PPFIBP1: variants seen among roughly 807,000 people sequenced by gnomAD.
PPFIBP1 encodes the protein PPFIB scaffold protein 1.
A neutral mutation model predicts 137.8 loss-of-function variants in PPFIBP1; 112 were observed. The observed-to-expected ratio is 0.81, with a 90% CI of 0.70 to 0.95. The LOEUF is 0.95. PPFIBP1 is among the 40% of genes least tolerant of loss of function. The probability of loss-of-function intolerance (pLI) is 0.00; values close to 1 mark genes in which losing one functional copy is unlikely to be tolerated. For synonymous variants in PPFIBP1, 378 were observed against 417.3 expected, an observed-to-expected ratio of 0.91 and a Z score of 1.15; for missense variants, 1,083 against 1,196.6, an observed-to-expected ratio of 0.91 and a Z score of 1.40.
At chr12:27,578,122 CTT>C (rs1449445447) in intron 1 of PPFIBP1, 28 bp from the exon 2 acceptor site, 1 of 152,126 alleles carries the variant, frequency 6.6e-6, no homozygotes, top group Non-Finnish European at 1.5e-5. Context: ...ATAATTTTAA[CTT>C]GTCGTTTTTG....
At chr12:27,679,899 G>T (rs1194500421) in intron 20 of PPFIBP1, 34 bp from the exon 21 acceptor site, 4 of 1,613,284 alleles carry the variant, frequency 2.5e-6, no homozygotes, top group Admixed American at 1.7e-5. Flanking sequence ...GCCTCCTCAG[G>T]TCTAATACTG....
intron 2 of PPFIBP1, among the ~76,000 whole-genome samples, chr12:27,605,720 G>C (rs569560956): frequency 2.8e-4 from 43 of 152,270 alleles, no homozygotes; most frequent in Non-Finnish European, 5.1e-4. Flanking sequence ...ACGCAGTTTT[G>C]GTGGTGGTTT....
chr12:27,637,196 A>G (rs1010384002), intron 4 of PPFIBP1: 1 of 152,224 alleles, frequency 6.6e-6, no homozygotes, highest in Admixed American at 6.5e-5. Context: ...ATCAGGAATC[A>G]GATTTTTGCC....
intron 2 of PPFIBP1, chr12:27,593,775 A>C: frequency 2.5e-6 from 2 of 806,872 alleles, no homozygotes; most frequent in Non-Finnish European, 3.8e-6. Context: ...CCAGGCCAGG[A>C]AGATGTTCAG....
At position 27,650,111 on chromosome 12, in the gene PPFIBP1, G is replaced by A. The variant is rs1206671252; in HGVS notation, c.573G>A (p.Leu191=). Residue 191 remains leucine (L), a synonymous_variant, in exon 7 of 30, where the codon TTG becomes TTA. Transcript: ENST00000228425. ...LKLTAVEKDR[L]DYEDKFRDTE... ...TGACAGCTGTAGAGAAGGACAGATTGGATTATGAAGATAAGTTCAGAGACA... is the reference window on the plus strand; with the variant it reads ...TGACAGCTGTAGAGAAGGACAGATTAGATTATGAAGATAAGTTCAGAGACA... The A allele has an allele frequency of 6.2e-7, 1 of 1,608,010 alleles. No individual in the cohort carries two copies. Among genetic ancestry groups the A allele is most frequent in the Admixed American group, 1.7e-5 (1 of 59,924 alleles).
At position 27,672,483 on chromosome 12, in the gene PPFIBP1, TG is replaced by T. The variant is rs1192538002; in HGVS notation, c.1319+1del. ...GATACCCAACTGTGTGATAAACTTTTGTAAGTTACATTTTATTGAATGTGAA... is the reference window on the plus strand; with the variant it reads ...GATACCCAACTGTGTGATAAACTTTTTAAGTTACATTTTATTGAATGTGAA... On this transcript the variant is annotated splice_donor_variant, in intron 15 of 29. Transcript: ENST00000228425. LOFTEE classifies it high-confidence loss of function. The T allele has an allele frequency of 3.8e-6, 6 of 1,598,952 alleles. No individual in the cohort carries two copies. Among genetic ancestry groups the T allele is most frequent in the Non-Finnish European group, 5.1e-6 (6 of 1,167,038 alleles).
chr12:27,691,088 T>G (rs1010095), intron 27 of PPFIBP1, among the ~76,000 whole-genome samples: 9 of 148,040 alleles, frequency 6.1e-5, no homozygotes, highest in African/African-American at 2.3e-4. Context: ...GTATCACTGA[T>G]GTTTCCTCTC....
At chr12:27,555,721 T>A (rs921687175) in intron 1 of PPFIBP1, among the ~76,000 whole-genome samples, 15 of 152,238 alleles carry the variant, frequency 9.9e-5, no homozygotes, top group Admixed American at 2.6e-4. Flanking sequence ...AACAAGCTCA[T>A]CTTTTCATTG....
intron 2 of PPFIBP1, among the ~76,000 whole-genome samples, chr12:27,605,795 A>G (rs1565859171): frequency 6.6e-6 from 1 of 152,174 alleles, no homozygotes; most frequent in Non-Finnish European, 1.5e-5. Flanking sequence ...TTTATTGTGT[A>G]TACAGTATAT....
intron 1 of PPFIBP1, among the ~76,000 whole-genome samples, chr12:27,540,563 A>G (rs1197644508): frequency 6.6e-6 from 1 of 152,154 alleles, no homozygotes; most frequent in Non-Finnish European, 1.5e-5. Context: ...TTGTGCATTC[A>G]GTATTTTCTG....
intron 1 of PPFIBP1, among the ~76,000 whole-genome samples, chr12:27,570,518 AAC>A (rs1466081795): frequency 1.1e-4 from 16 of 152,116 alleles, no homozygotes; most frequent in Admixed American, 3.3e-4. Flanking sequence ...AGTACAGATA[AAC>A]AAAATGAAAA....
Position 27,645,727 on chromosome 12 carries a change from G to T in PPFIBP1, c.271-335G>T, listed in dbSNP as rs144823278. Among the ~76,000 whole-genome samples, 200 of 152,298 alleles carry T rather than the reference G, an allele frequency of 1.3e-3. 1 individual carries two copies. Among genetic ancestry groups the T allele is most frequent in the African/African-American group, 4.5e-3 (185 of 41,560 alleles). ...GAGAGACAGACCTCAACAACTCGGG[G>T]TGCCCCCTACATACTCACAAAGCTT... is the stretch of plus-strand genomic sequence containing the variant. On this transcript the variant is annotated intron_variant, in intron 4 of 29. Coordinates refer to ENST00000228425, the MANE Select transcript of PPFIBP1 (RefSeq NM_003622.4).
chr12:27,688,113 A>C, intron 25 of PPFIBP1, 185 bp from the exon 26 acceptor site: 2 of 665,346 alleles, frequency 3.0e-6, no homozygotes. Context: ...TCCTTTCCTA[A>C]AGCAATGCTT....
chr12:27,569,018 C>T (rs1234055063), intron 1 of PPFIBP1, among the ~76,000 whole-genome samples: 1 of 152,096 alleles, frequency 6.6e-6, no homozygotes, highest in Non-Finnish European at 1.5e-5. Flanking sequence ...TCTTCATGCC[C>T]CAACTGAATC....
At chr12:27,678,881 A>AAAAAAAAAAAAAAAAAAC (rs2060707182) in intron 19 of PPFIBP1, among the ~76,000 whole-genome samples, 3 of 143,272 alleles carry the variant, frequency 2.1e-5, no homozygotes, top group African/African-American at 8.2e-5. Context: ...AAAAAAAAAA[A>AAAAAAAAAAAAAAAAAAC]CATTTAAGAG....
At chr12:27,600,399 G>A (rs1189918953) in intron 2 of PPFIBP1, among the ~76,000 whole-genome samples, 3 of 150,662 alleles carry the variant, frequency 2.0e-5, no homozygotes, top group African/African-American at 7.3e-5. Flanking sequence ...TCGGGCCACT[G>A]CACTCCAGCC....
intron 2 of PPFIBP1, among the ~76,000 whole-genome samples, chr12:27,623,717 C>A (rs1457915298): frequency 4.0e-5 from 6 of 149,932 alleles, no homozygotes; most frequent in Non-Finnish European, 7.5e-5. Flanking sequence ...TCAAAAAAAA[C>A]AAAACAAACA....
intron 3 of PPFIBP1, among the ~76,000 whole-genome samples, chr12:27,633,699 A>G (rs1420145823): frequency 6.6e-6 from 1 of 152,178 alleles, no homozygotes; most frequent in Non-Finnish European, 1.5e-5. Flanking sequence ...AGGATAAAGA[A>G]TCTGCATCTC....
At chr12:27,534,628 G>A (rs1944791503) in intron 1 of PPFIBP1, among the ~76,000 whole-genome samples, 1 of 152,176 alleles carries the variant, frequency 6.6e-6, no homozygotes, top group South Asian at 2.1e-4. Context: ...GGAATTTTTA[G>A]ACAACCAGAC....
Sources: allele counts gnomAD v4.1 joint callset (sites outside exome capture counted in the v4.1 genomes callset), GRCh38; gene constraint gnomAD v4.1.1; transcripts MANE v1.5; gene names NCBI Gene and HGNC (gene_info 2026-07-23, HGNC 2026-07-21).